The following MYO1H variants were observed in gnomAD, a reference collection of about 807,000 sequenced individuals.
The protein encoded by MYO1H is myosin IH.
A neutral mutation model predicts 149.3 loss-of-function variants in MYO1H; 118 were observed. The ratio of observed to expected loss-of-function variants is 0.79; its 90% CI spans 0.68 to 0.92. MYO1H has a LOEUF of 0.92. Ranked by LOEUF, MYO1H falls within the 40% of genes least tolerant of loss-of-function variation. MYO1H has a pLI of 0.00. For synonymous variants in MYO1H, 447 were observed against 465.2 expected (o/e 0.96, Z 0.50); for missense variants, 1,212 against 1,280.7 (o/e 0.95, Z 0.82).
chr12:109,370,721 G>A (rs1868963409), intron 1 of MYO1H, among the ~76,000 whole-genome samples: 1 of 152,312 alleles, frequency 6.6e-6, no homozygotes, highest in African/African-American at 2.4e-5. Context: ...TAGTTAGAAT[G>A]CTTCCTCTTT....
intron 1 of MYO1H, chr12:109,354,213 T>A (rs1486941726): frequency 1.3e-5 from 2 of 152,200 alleles, no homozygotes; most frequent in Non-Finnish European, 2.9e-5. Context: ...CATTTATCTT[T>A]ATTTCTTGCA....
At chr12:109,364,288 C>G (rs1487790215) in intron 1 of MYO1H, among the ~76,000 whole-genome samples, 2 of 151,000 alleles carry the variant, frequency 1.3e-5, no homozygotes, top group Admixed American at 1.3e-4. Context: ...TAAGCATACA[C>G]ATACATACAT....
At chr12:109,358,764 G>C (rs1472641285) in intron 1 of MYO1H, among the ~76,000 whole-genome samples, 1 of 131,542 alleles carries the variant, frequency 7.6e-6, no homozygotes, top group Non-Finnish European at 1.5e-5. Flanking sequence ...TTTATGATTA[G>C]TTACATCAGA....
chr12:109,369,626 C>T (rs1868940842), intron 1 of MYO1H, among the ~76,000 whole-genome samples: 1 of 152,220 alleles, frequency 6.6e-6, no homozygotes, highest in Admixed American at 6.5e-5. Context: ...GGCCAGATAT[C>T]ATGGGAACCA....
chr12:109,343,589 T>A (rs1199282278), upstream of MYO1H, among the ~76,000 whole-genome samples: 1 of 152,230 alleles, frequency 6.6e-6, no homozygotes, highest in Non-Finnish European at 1.5e-5. Flanking sequence ...CCAACCCATA[T>A]GCCACTGGAG....
intron 1 of MYO1H, among the ~76,000 whole-genome samples, chr12:109,383,386 A>AGG (rs1869244316): frequency 6.6e-6 from 1 of 152,204 alleles, no homozygotes; most frequent in Non-Finnish European, 1.5e-5. Context: ...CTCCCAGTGG[A>AGG]AAAGTTCTGT....
exon 22 of MYO1H, chr12:109,436,534 A>G (rs918562352): frequency 5.6e-6 from 9 of 1,610,072 alleles, no homozygotes; most frequent in African/African-American, 1.3e-5. Context: ...GAAGGAGAGA[A>G]TACGTGAAAA....
chr12:109,442,125 A>C, intron 26 of MYO1H, 92 bp from the exon 27 acceptor site: 2 of 1,028,316 alleles, frequency 1.9e-6, no homozygotes, highest in Non-Finnish European at 3.1e-6. Context: ...ATCTTAGCAC[A>C]GAGATGCATA....
chr12:109,445,943 TC>T (rs1292524872), intron 31 of MYO1H: 3 of 985,196 alleles, frequency 3.0e-6, no homozygotes, highest in South Asian at 4.7e-5. Flanking sequence ...ATCCATAACT[TC>T]CCCCCACGTG....
At chr12:109,356,763 T>C (rs919178032) in intron 1 of MYO1H, among the ~76,000 whole-genome samples, 1 of 152,208 alleles carries the variant, frequency 6.6e-6, no homozygotes, top group African/African-American at 2.4e-5. Flanking sequence ...TATTCATAAT[T>C]ATACGCATTC....
chr12:109,446,368 A>G, intron 31 of MYO1H: 1 of 985,448 alleles, frequency 1.0e-6, no homozygotes, highest in Middle Eastern at 5.2e-4. Context: ...TTTAAAATGT[A>G]TCTTGTATTA....
chr12:109,347,946 C>T, exon 1 of MYO1H: 1 of 399,070 alleles, frequency 2.5e-6, no homozygotes, highest in Non-Finnish European at 4.4e-6. Flanking sequence ...ACAACCTGCT[C>T]TCCCTCTGTG....
intron 5 of MYO1H, among the ~76,000 whole-genome samples, chr12:109,400,717 T>C (rs376881939): frequency 5.9e-5 from 9 of 152,212 alleles, no homozygotes; most frequent in African/African-American, 1.9e-4. Flanking sequence ...ACCATCACTA[T>C]GATTCAGTAG....
In MYO1H at chr12:109,347,939, AC is replaced by A. The variant is rs1189691539; in HGVS notation, c.-20del. ...GGCTCAAGAGGAATAGTTGTTAACAACCTGCTCTCCCTCTGTGCGTGATGGA... is the reference window on the plus strand; with the variant it reads ...GGCTCAAGAGGAATAGTTGTTAACAACTGCTCTCCCTCTGTGCGTGATGGA... On this transcript the variant is annotated 5_prime_UTR_variant, in exon 1 of 32. Coordinates refer to ENST00000310903, the Ensembl canonical transcript of MYO1H. The A allele has an allele frequency of 2.3e-5, 9 of 398,902 alleles. No individual in the cohort carries two copies. The Admixed American group carries it at 4.0e-4, about 18-fold the overall frequency. The allele number at this position is 398,902 out of a possible 1,614,324, so 24.7% of individuals were successfully genotyped here. A position where few individuals can be genotyped will look rare whatever the true frequency, so the allele number is the denominator to read the frequency against.
chr12:109,400,164 T>C (rs12581071), intron 5 of MYO1H, among the ~76,000 whole-genome samples: 37,765 of 152,198 alleles, frequency 0.25, 5,581 homozygotes, highest in East Asian at 0.39. Flanking sequence ...TCACAACTTA[T>C]CTGTTCTACT....
At chr12:109,325,103 C>G in the MYO1H span, among the ~76,000 whole-genome samples, 6 of 152,292 alleles carry the variant, frequency 3.9e-5, no homozygotes, top group Middle Eastern at 3.4e-3. Flanking sequence ...ACCACATTTT[C>G]TTTATCTAGT....
chr12:109,365,051 G>A (rs1287289614), intron 1 of MYO1H, among the ~76,000 whole-genome samples: 1 of 152,122 alleles, frequency 6.6e-6, no homozygotes, highest in African/African-American at 2.4e-5. Flanking sequence ...CGGGAGGATC[G>A]CTTGAGGCTA....
intron 2 of MYO1H, among the ~76,000 whole-genome samples, chr12:109,391,825 CT>C (rs533971099): frequency 3.4e-4 from 52 of 152,242 alleles, no homozygotes; most frequent in African/African-American, 1.2e-3. Context: ...TGGTGTTGAG[CT>C]TTTTTTCATA....
chr12:109,443,292 A>ATATGTGTACGTATATG (rs1566045365), intron 27 of MYO1H, among the ~76,000 whole-genome samples: 2 of 120,136 alleles, frequency 1.7e-5, no homozygotes, highest in Non-Finnish European at 3.8e-5. Context: ...GTACGTATAT[A>ATATGTGTACGTATATG]TGTGTGTATA....
Sources: allele counts gnomAD v4.1 joint callset (sites outside exome capture counted in the v4.1 genomes callset), GRCh38; gene constraint gnomAD v4.1.1; transcripts MANE v1.5; gene names NCBI Gene and HGNC (gene_info 2026-07-23, HGNC 2026-07-21).